The following ODF2L variants were observed in gnomAD, a reference collection of about 807,000 sequenced individuals.
ODF2L encodes the protein outer dense fiber of sperm tails 2 like.
Under a neutral mutation model 86.3 loss-of-function variants are expected in ODF2L, and 76 were observed. The ratio of observed to expected loss-of-function variants is 0.88; its 90% confidence interval spans 0.73 to 1.07. The LOEUF is 1.07. ODF2L is among the 50% of genes least tolerant of loss of function. ODF2L has a pLI of 0.00. For missense variants in ODF2L, 748 were observed against 717.4 expected (o/e 1.04, Z -0.49); for synonymous variants, 241 against 231.3 (o/e 1.04, Z -0.38).
intron 1 of ODF2L, among the ~76,000 whole-genome samples, chr1:86,389,411 A>C (rs1558065836): frequency 6.6e-6 from 1 of 152,192 alleles, no homozygotes; most frequent in Non-Finnish European, 1.5e-5. Flanking sequence ...GGAAAGGTTC[A>C]TAGCCTTAAA....
exon 8 of ODF2L, chr1:86,376,281 G>A: frequency 6.2e-7 from 1 of 1,612,600 alleles, no homozygotes; most frequent in South Asian, 1.1e-5. Context: ...CTGTAAAATG[G>A]TCAAGCCTTT....
exon 18 of ODF2L, chr1:86,351,357 C>A (rs990692984): frequency 3.3e-5 from 5 of 152,212 alleles, no homozygotes; most frequent in African/African-American, 1.2e-4. Context: ...GGAATCCTTT[C>A]CCCATTTCTT....
downstream of ODF2L, chr1:86,349,171 C>T (rs911571363): frequency 1.2e-5 from 2 of 169,456 alleles, no homozygotes; most frequent in African/African-American, 2.4e-5. Context: ...CATAATTTCA[C>T]ATGTAACATG....
chr1:86,386,756 C>T (rs952705058), intron 2 of ODF2L, 159 bp downstream of exon 2: 5 of 469,576 alleles, frequency 1.1e-5, no homozygotes, highest in Admixed American at 4.1e-5. Context: ...GATGAGTACA[C>T]TTGTAATCAG....
intron 8 of ODF2L, among the ~76,000 whole-genome samples, chr1:86,373,504 G>A (rs1659954112): frequency 1.3e-5 from 2 of 148,342 alleles, no homozygotes; most frequent in Non-Finnish European, 3.0e-5. Flanking sequence ...ATATATATAT[G>A]TTATACATAT....
At chr1:86,351,004 G>A (rs986431294) in exon 18 of ODF2L, 14 of 152,074 alleles carry the variant, frequency 9.2e-5, no homozygotes, top group African/African-American at 3.4e-4. Flanking sequence ...CCCTTTGTCA[G>A]ATGGATAGAT....
intron 7 of ODF2L, among the ~76,000 whole-genome samples, chr1:86,380,426 C>T (rs1660495076): frequency 6.6e-6 from 1 of 152,158 alleles, no homozygotes; most frequent in African/African-American, 2.4e-5. Context: ...GAACATCCCA[C>T]AGGAAACACT....
exon 2 of ODF2L, chr1:86,386,980 G>A: frequency 1.3e-6 from 2 of 1,590,962 alleles, no homozygotes; most frequent in South Asian, 1.1e-5. Context: ...TTTTAAGATG[G>A]CAAAAGAGTT....
chr1:86,354,088 C>A (rs1389325458), intron 16 of ODF2L, among the ~76,000 whole-genome samples: 1 of 152,206 alleles, frequency 6.6e-6, no homozygotes, highest in Non-Finnish European at 1.5e-5. Context: ...AGCAGATTGC[C>A]TGATACTGAA....
At chr1:86,349,435 A>T (rs1657979425), downstream of ODF2L, 1 of 152,224 alleles carries the variant, frequency 6.6e-6, no homozygotes, top group African/African-American at 2.4e-5. Flanking sequence ...TGCTTTAGAT[A>T]AAGACAGGTT....
chr1:86,370,082 G>A (rs1659693448), intron 10 of ODF2L, among the ~76,000 whole-genome samples: 1 of 151,442 alleles, frequency 6.6e-6, no homozygotes, highest in South Asian at 2.1e-4. Context: ...AGAAACAAGT[G>A]CATTTCTAAT....
At chr1:86,378,673 A>AAGAGC (rs886503471) in intron 7 of ODF2L, among the ~76,000 whole-genome samples, 1 of 152,062 alleles carries the variant, frequency 6.6e-6, no homozygotes, top group African/African-American at 2.4e-5. Flanking sequence ...GAAAAGAGTG[A>AAGAGC]AGAGCCAAGG....
chr1:86,375,122 GA>G (rs1660078877), intron 8 of ODF2L: 1 of 152,098 alleles, frequency 6.6e-6, no homozygotes, highest in Non-Finnish European at 1.5e-5. Flanking sequence ...AAATGGTCAA[GA>G]AAGGCCTCTC....
intron 6 of ODF2L, 82 bp from the exon 7 acceptor site, chr1:86,382,440 A>G: frequency 6.4e-7 from 1 of 1,567,338 alleles, no homozygotes; most frequent in South Asian, 1.2e-5. Flanking sequence ...TTTTACCCTG[A>G]TTTAGGCACA....
intron 9 of ODF2L, 148 bp downstream of exon 9, chr1:86,372,283 G>T: frequency 2.8e-6 from 1 of 358,792 alleles, no homozygotes; most frequent in South Asian, 1.4e-4. Context: ...AAACTTTATT[G>T]AATTATAAAT....
intron 11 of ODF2L, among the ~76,000 whole-genome samples, chr1:86,363,548 C>T (rs1447009475): frequency 6.6e-6 from 1 of 151,996 alleles, no homozygotes; most frequent in African/African-American, 2.4e-5. Flanking sequence ...AAATGAGTCT[C>T]TCTTTTGACC....
chr1:86,359,241 T>TAAAAAAA (rs57483150), intron 12 of ODF2L, among the ~76,000 whole-genome samples: 1 of 145,152 alleles, frequency 6.9e-6, no homozygotes. Context: ...CAAAATCTGC[T>TAAAAAAA]AAAAAAAAAA....
Position 86,386,984 on chromosome 1 carries a change from AAG to A in ODF2L, c.42_43del (p.Phe15LeufsTer4). 3 of 1,591,266 alleles carry A rather than the reference AAG, an allele frequency of 1.9e-6. No homozygotes were observed. The highest frequency in any genetic ancestry group is 2.6e-6 in the Non-Finnish European group (3 of 1,169,444). On this transcript the variant is annotated frameshift_variant, in exon 2 of 18. Coordinates refer to ENST00000317336, the Ensembl canonical transcript of ODF2L. LOFTEE classifies it high-confidence loss of function. ...CTCTGATATAGTTTTAAGATGGCAA[AAG>A]AGTTCTTCTGAATGACTTCCATCAT...
chr1:86,388,109 A>C (rs1328625066), intron 1 of ODF2L, among the ~76,000 whole-genome samples: 1 of 152,102 alleles, frequency 6.6e-6, no homozygotes, highest in Non-Finnish European at 1.5e-5. Context: ...CACATTTTTT[A>C]AATACCAGAA....
Sources: allele counts gnomAD v4.1 joint callset (sites outside exome capture counted in the v4.1 genomes callset), GRCh38; gene constraint gnomAD v4.1.1; transcripts MANE v1.5; gene names NCBI Gene and HGNC (gene_info 2026-07-23, HGNC 2026-07-21).